The following COL5A3 variants were observed in gnomAD, a reference collection of about 807,000 sequenced individuals.
COL5A3 encodes the protein collagen type V alpha 3 chain, also known as collagen alpha-3(V) chain.
Under a neutral mutation model 250.0 loss-of-function variants are expected in COL5A3, and 172 were observed. That is an observed-to-expected ratio of 0.69 (90% CI 0.61 to 0.78). The LOEUF (loss-of-function observed/expected upper bound fraction) is 0.78. Among genes scored for constraint, COL5A3 ranks in the 30% least tolerant of loss-of-function variants. The pLI is 0.00. For missense variants in COL5A3, 2,340 were observed against 2,334.4 expected (o/e 1.00, Z -0.05); for synonymous variants, 937 against 900.4 (o/e 1.04, Z -0.73).
intron 56 of COL5A3, 63 bp from the exon 57 acceptor site, chr19:9,969,465 C>CA (rs2086798016): frequency 6.3e-6 from 10 of 1,590,034 alleles, no homozygotes; most frequent in East Asian, 4.5e-5. Context: ...GGACCCCCCC[C>CA]CGACCATGCA....
At chr19:9,977,990 A>G (rs1599543904) in intron 41 of COL5A3, among the ~76,000 whole-genome samples, 2 of 140,590 alleles carry the variant, frequency 1.4e-5, no homozygotes, top group Non-Finnish European at 1.6e-5. Flanking sequence ...ATATATTTGT[A>G]GAGACAGGAC....
chr19:9,993,941 G>T (rs2087234240), intron 16 of COL5A3, 135 bp from the exon 17 acceptor site: 2 of 741,234 alleles, frequency 2.7e-6, no homozygotes, highest in Non-Finnish European at 4.6e-6. Context: ...AGGTTGGAGT[G>T]CAGTGGCACG....
chr19:9,993,092 G>C, intron 19 of COL5A3, 25 bp from the exon 20 acceptor site: 1 of 1,613,056 alleles, frequency 6.2e-7, no homozygotes, highest in East Asian at 2.2e-5. Flanking sequence ...CATTACTTGG[G>C]AACAGGAAGG....
chr19:9,976,494 G>T, intron 45 of COL5A3, 64 bp downstream of exon 45: 1 of 1,289,612 alleles, frequency 7.8e-7, no homozygotes, highest in Non-Finnish European at 1.1e-6. Context: ...TTCCACTGTC[G>T]TTTGCTCCCA....
Position 9,996,534 on chromosome 19 carries a change from G to C in COL5A3, c.1339-18C>G. ...AACTGGAACTGGGAGGAATTTAGTG[G>C]TGAGGGAAGCCCCCAGGAGAGGCCC... On this transcript the variant is annotated intron_variant, in intron 12 of 66. Coordinates refer to ENST00000264828, the MANE Select transcript of COL5A3 (RefSeq NM_015719.4). 1.2e-6 allele frequency: 2 copies of C among 1,613,938 alleles called. No homozygotes were observed. The highest frequency in any genetic ancestry group is 1.7e-6 in the Non-Finnish European group (2 of 1,179,838).
In COL5A3 at chr19:9,998,085, C is replaced by T; in HGVS notation, c.1158+17G>A. On this transcript the variant is annotated intron_variant, in intron 9 of 66. Transcript: ENST00000264828. ...ATCATGAAGCCTCTCAACCCCCTCA[C>T]AATCCAGACCCCTCACCTTTTCAAT... 12 of 1,613,956 alleles carry T rather than the reference C, an allele frequency of 7.4e-6. No homozygotes were observed. The highest frequency in any genetic ancestry group is 1.7e-5 in the Admixed American group (1 of 59,980).
chr19:9,974,961 A>C (rs1326726169), intron 45 of COL5A3, among the ~76,000 whole-genome samples: 1 of 151,060 alleles, frequency 6.6e-6, no homozygotes, highest in Non-Finnish European at 1.5e-5. Context: ...GCAGTGGCGC[A>C]ATCTCTGCTC....
In COL5A3 at chr19:9,979,215, G is replaced by A; in HGVS notation, c.2791C>T (p.Leu931=). Residue 931 remains leucine, a synonymous_variant, in exon 39 of 67, where the codon CTA becomes TTA. Transcript: ENST00000264828. ...GGGCCTGGAGGCCCCCTTTCACCTA[G>A]AGGTCCCACTTCTCCTGTCTTTCCC... The part of the protein sequence containing the change: ...PQGKTGEVGP[L]GERGPPGPPG... The A allele has an allele frequency of 6.2e-7, 1 of 1,607,068 alleles. No individual in the cohort carries two copies. The highest frequency in any genetic ancestry group is 8.5e-7 in the Non-Finnish European group (1 of 1,177,822).
At chr19:9,979,791 G>GA (rs60233060) in intron 37 of COL5A3, 48 bp downstream of exon 37, 106,511 of 1,260,516 alleles carry the variant, frequency 0.084, 4 homozygotes, top group Non-Finnish European at 0.093. Flanking sequence ...GTCTCAAAAA[G>GA]AAAAAAAAAA....
intron 45 of COL5A3, 128 bp from the exon 46 acceptor site, chr19:9,974,536 G>A (rs1348948988): frequency 1.5e-6 from 1 of 646,242 alleles, no homozygotes; most frequent in Non-Finnish European, 2.5e-6. Flanking sequence ...GAGGGTCAGT[G>A]TTGAGTTGGA....
At chr19:9,960,924 G>A (rs1408353619) in intron 65 of COL5A3, 34 bp from the exon 66 acceptor site, 1 of 1,596,276 alleles carries the variant, frequency 6.3e-7, no homozygotes, top group Non-Finnish European at 8.5e-7. Flanking sequence ...AGGATGAGGG[G>A]CTCCATGAGC....
At chr19:9,967,292 C>T in intron 62 of COL5A3, 55 bp downstream of exon 62, 2 of 1,304,668 alleles carry the variant, frequency 1.5e-6, no homozygotes, top group South Asian at 2.0e-5. Context: ...CAGACATAGT[C>T]CTTGCTCTCC....
At position 9,970,105 on chromosome 19, in the gene COL5A3, G is replaced by T. The variant is rs530685192; in HGVS notation, c.3937-183C>A. Among the ~76,000 whole-genome samples, 11 of 42,744 alleles carry T rather than the reference G, an allele frequency of 2.6e-4. 1 individual carries two copies. Among genetic ancestry groups the T allele is most frequent in the African/African-American group, 1.4e-3 (9 of 6,208 alleles). The allele number at this position is 42,744 out of a possible 152,430, so 28.0% of individuals were successfully genotyped here. A position where few individuals can be genotyped will look rare whatever the true frequency, so the allele number is the denominator to read the frequency against. On this transcript the variant is annotated intron_variant, in intron 54 of 66. Transcript: ENST00000264828. ...GAGTGGGGGCTGTGGCTGAGTGGAG[G>T]CTGTGGGTGAGTGGAGGCTGTGGGT...
At position 9,966,624 on chromosome 19, in the gene COL5A3, C is replaced by T; in HGVS notation, c.4581G>A (p.Leu1527=). Residue 1527 remains leucine, a synonymous_variant, in exon 63 of 67, where the codon CTG becomes CTA. Transcript: ENST00000264828. ...LASLTSLSLE[L]EQLRRPPGTA... ...TGCCGGGAGGACGCCGCAGCTGCTC[C>T]AGCTCCAAGCTCAGCGATGTGAGCG... 1 of 1,538,836 alleles carries T rather than the reference C, an allele frequency of 6.5e-7. No homozygotes were observed.
At position 9,968,223 on chromosome 19, in the gene COL5A3, C is replaced by T. The variant is rs1465278378; in HGVS notation, c.4315-144G>A. ...TCCCCCACAGAGAGACCCCAAACCC[C>T]AGACGCAGCCTCCAACTTGCCAGTT... On this transcript the variant is annotated intron_variant, in intron 59 of 66. Coordinates refer to ENST00000264828, the MANE Select transcript of COL5A3 (RefSeq NM_015719.4). The surrounding 1 kb of genome is among the most constrained non-coding windows in gnomAD (Gnocchi z 4.1). 2 of 1,007,330 alleles carry T rather than the reference C, an allele frequency of 2.0e-6. No individual in the cohort carries two copies. The highest frequency in any genetic ancestry group is 1.7e-5 in the African/African-American group (1 of 60,538). The allele number at this position is 1,007,330 out of a possible 1,614,324, so 62.4% of individuals were successfully genotyped here.
intron 8 of COL5A3, among the ~76,000 whole-genome samples, chr19:9,999,233 C>T (rs1464449224): frequency 6.6e-5 from 10 of 150,388 alleles, no homozygotes; most frequent in Non-Finnish European, 1.5e-5. Context: ...CTCTATTGCC[C>T]AGGCTAGAAT....
chr19:9,971,145 G>T (rs1164623057), intron 52 of COL5A3, 60 bp downstream of exon 52: 1 of 1,424,996 alleles, frequency 7.0e-7, no homozygotes, highest in East Asian at 2.6e-5. Context: ...GTCTGTGGGG[G>T]TAGGGAGATG....
In COL5A3 at chr19:9,972,986, G is replaced by A; in HGVS notation, c.3707C>T (p.Pro1236Leu). 1 of 1,611,624 alleles carries A rather than the reference G, an allele frequency of 6.2e-7. No homozygotes were observed. Residue 1236 changes from proline to leucine, a missense_variant, in exon 51 of 67, where the codon CCA (proline) becomes CTA (leucine). By Grantham distance (98) the Pro-to-Leu change is moderately conservative. Around this residue, in one of 3 missense-constraint regions of COL5A3, gnomAD observed 1,179 missense variants for 1,162.6 expected, o/e 1.01. Transcript: ENST00000264828. ...GDIGEKGDSG[P>L]SGAAGPPGKK... is the part of the protein sequence containing the mutation. The stretch of plus-strand genomic sequence containing the variant: ...GCCTGGGGGTCCAGCAGCTCCAGAT[G>A]GGCCTGAGTCCCCCTTTTCACCAAT...
chr19:9,960,638 C>T lies in COL5A3; in HGVS notation c.5091+13G>A. 6.2e-7 allele frequency: 1 copy of T among 1,613,892 alleles called. No individual in the cohort carries two copies. Among genetic ancestry groups the T allele is most frequent in the Non-Finnish European group, 8.5e-7 (1 of 1,179,960 alleles). On this transcript the variant is annotated intron_variant, in intron 66 of 66. Transcript: ENST00000264828. ...CCTCCCCTCTCTAGCTGGCCACTGC[C>T]CCACCCTCTTACCCGGCAGCCATCC...
Sources: allele counts gnomAD v4.1 joint callset (sites outside exome capture counted in the v4.1 genomes callset), GRCh38; gene constraint gnomAD v4.1.1; regional missense constraint gnomAD v4.1.1; non-coding constraint Gnocchi (gnomAD v3.1); transcripts MANE v1.5; gene names NCBI Gene and HGNC (gene_info 2026-07-23, HGNC 2026-07-21).